Variants in EHHADH observed in about 807,000 individuals in gnomAD.
EHHADH encodes enoyl-CoA hydratase and 3-hydroxyacyl CoA dehydrogenase.
EHHADH carries 48 observed loss-of-function variants against 64.4 expected under a neutral mutation model. The ratio of observed to expected loss-of-function variants is 0.75; its 90% CI spans 0.59 to 0.95. EHHADH has a LOEUF of 0.95. EHHADH is among the 40% of genes least tolerant of loss of function. The probability of loss-of-function intolerance (pLI) is 0.00; values close to 1 mark genes in which losing one functional copy is unlikely to be tolerated. For synonymous variants in EHHADH, 308 were observed against 326.7 expected (o/e 0.94, Z 0.62); for missense variants, 854 against 876.6 (o/e 0.97, Z 0.33).
chr3:185,221,043 A>T (rs1335776569), intron 4 of EHHADH, among the ~76,000 whole-genome samples: 1 of 152,230 alleles, frequency 6.6e-6, no homozygotes, highest in African/African-American at 2.4e-5. Context: ...TGTTAAAAAT[A>T]GTGATGTTTC....
At chr3:185,200,868 C>G (rs1401090274) in intron 6 of EHHADH, among the ~76,000 whole-genome samples, 2 of 152,040 alleles carry the variant, frequency 1.3e-5, no homozygotes, top group Non-Finnish European at 2.9e-5. Flanking sequence ...CTCATGGAAA[C>G]AAGCCAAAAA....
chr3:185,251,310 A>T (rs1345420247), intron 1 of EHHADH, among the ~76,000 whole-genome samples: 1 of 152,204 alleles, frequency 6.6e-6, no homozygotes, highest in Non-Finnish European at 1.5e-5. Flanking sequence ...GAGATGAGAA[A>T]ATAGACTATA....
At chr3:185,249,361 C>T (rs1178107823) in intron 1 of EHHADH, among the ~76,000 whole-genome samples, 1 of 152,208 alleles carries the variant, frequency 6.6e-6, no homozygotes, top group Non-Finnish European at 1.5e-5. Flanking sequence ...ATCTCTTGAG[C>T]TCGTGATCCA....
rs77456812 is a variant in EHHADH, at chr3:185,252,471, T to C, written c.74+1478A>G. Reference sequence around the variant, plus strand: ...GTCAGAAAATATTCCTAGTCATGGGTATTAGAGTATGGAACTTTTCCCCCT... The same window carrying C: ...GTCAGAAAATATTCCTAGTCATGGGCATTAGAGTATGGAACTTTTCCCCCT... On this transcript the variant is annotated intron_variant, in intron 1 of 6. Coordinates refer to ENST00000231887, the MANE Select transcript of EHHADH (RefSeq NM_001966.4). Among the ~76,000 whole-genome samples, 13 of 150,588 alleles carry C rather than the reference T, an allele frequency of 8.6e-5. No individual in the cohort carries two copies. In the East Asian group the frequency reaches 2.5e-3, roughly 29 times the overall value.
At chr3:185,248,199 C>T in intron 2 of EHHADH, 3 of 514,134 alleles carry the variant, frequency 5.8e-6, no homozygotes, top group South Asian at 5.8e-5. Flanking sequence ...TAAATATACT[C>T]TAAAAGCCCA....
chr3:185,250,380 G>T (rs957818903), intron 1 of EHHADH, among the ~76,000 whole-genome samples: 1 of 152,322 alleles, frequency 6.6e-6, no homozygotes, highest in African/African-American at 2.4e-5. Flanking sequence ...TCAGCAGAGT[G>T]ATTCAGCAAG....
chr3:185,233,988 T>G (rs533023742), intron 3 of EHHADH, among the ~76,000 whole-genome samples: 1 of 152,250 alleles, frequency 6.6e-6, no homozygotes, highest in South Asian at 2.1e-4. Context: ...AAAAAGAATC[T>G]GTAAGAAAAA....
rs750250817 is a variant in EHHADH, at chr3:185,204,565, T to C, written c.761A>G (p.Glu254Gly). ...PYEVGIKKEE[E>G]LFLYLLQSGQ... Reference sequence around the variant, plus strand: ...TGATTGCAAAAGATATAGAAACAGCTCCTCCTCCTTCTTGATGCCCACTTC... The same window carrying C: ...TGATTGCAAAAGATATAGAAACAGCCCCTCCTCCTTCTTGATGCCCACTTC... The change falls in exon 6 of 7, where the codon GAG becomes GGG. Residue 254 changes from glutamate to glycine, a missense_variant. Glu to Gly is a moderately conservative substitution (Grantham distance 98, BLOSUM62 -2). Transcript: ENST00000231887. 2 of 1,614,152 alleles carry C rather than the reference T, an allele frequency of 1.2e-6. No homozygotes were observed. Among genetic ancestry groups the C allele is most frequent in the Admixed American group, 3.3e-5 (2 of 60,018 alleles).
intron 6 of EHHADH, among the ~76,000 whole-genome samples, chr3:185,197,150 T>C (rs1428723341): frequency 1.3e-5 from 2 of 152,150 alleles, no homozygotes. Flanking sequence ...AGAGTGACTG[T>C]TGATGGGTAG....
chr3:185,218,263 T>C (rs376317448), intron 4 of EHHADH, 23 bp from the exon 5 acceptor site: 3 of 1,523,872 alleles, frequency 2.0e-6, no homozygotes, highest in Admixed American at 1.7e-5. Context: ...ACAACAACAA[T>C]AACAACAAAT....
intron 6 of EHHADH, among the ~76,000 whole-genome samples, chr3:185,203,951 C>T (rs1440229073): frequency 2.0e-5 from 3 of 152,006 alleles, no homozygotes; most frequent in Non-Finnish European, 2.9e-5. Context: ...ACCAGCCTGA[C>T]CAACATGGCG....
rs115456824 is a variant in EHHADH at position 185,214,613 on chromosome 3, G to A, written c.568+3523C>T. 5.5e-3 allele frequency among the ~76,000 whole-genome samples: 834 copies of A among 152,108 alleles called. 2 individuals carry two copies. Among genetic ancestry groups the A allele is most frequent in the African/African-American group, 0.012 (488 of 41,466 alleles). On this transcript the variant is annotated intron_variant, in intron 5 of 6. Transcript: ENST00000231887. Reference sequence around the variant, plus strand: ...ACCACTACTGAAAATTTGTTACATCGCCTTATAGTTTTTTCCTTATGCAGG... The same window carrying A: ...ACCACTACTGAAAATTTGTTACATCACCTTATAGTTTTTTCCTTATGCAGG...
chr3:185,202,729 T>G (rs1051543980), intron 6 of EHHADH, among the ~76,000 whole-genome samples: 15 of 152,192 alleles, frequency 9.9e-5, no homozygotes, highest in Admixed American at 3.9e-4. Flanking sequence ...TCTGAGAATT[T>G]AATGCCTGAT....
In EHHADH at chr3:185,235,352, T is replaced by C. The variant is rs370545446; in HGVS notation, c.289A>G (p.Met97Val). The change falls in exon 3 of 7, where the codon ATG becomes GTG. Residue 97 changes from methionine to valine, a missense_variant. By Grantham distance (21) the Met-to-Val change is conservative (BLOSUM62 1). Coordinates refer to ENST00000231887, the MANE Select transcript of EHHADH (RefSeq NM_001966.4). ...EKPVVAAIQGMAFGGGLELAL... is the reference protein window; with the variant it reads ...EKPVVAAIQGVAFGGGLELAL... ...AGCTCTAGTCCCCCTCCGAAAGCCA[T>C]GCCTTGGATTGCTGCCACCACGGGC... 1.9e-6 allele frequency: 3 copies of C among 1,614,024 alleles called. No individual in the cohort carries two copies. The highest frequency in any genetic ancestry group is 2.5e-6 in the Non-Finnish European group (3 of 1,179,984).
At chr3:185,242,325 T>G (rs1360682185) in intron 2 of EHHADH, among the ~76,000 whole-genome samples, 1 of 151,938 alleles carries the variant, frequency 6.6e-6, no homozygotes, top group Non-Finnish European at 1.5e-5. Flanking sequence ...ATTCTAAAAT[T>G]CATATGGAAC....
chr3:185,229,386 A>G (rs1458516509), intron 4 of EHHADH, 46 bp downstream of exon 4: 1 of 1,243,478 alleles, frequency 8.0e-7, no homozygotes, highest in Non-Finnish European at 1.1e-6. Flanking sequence ...TCCTAGTCCA[A>G]TTCTTCACAC....
intron 4 of EHHADH, among the ~76,000 whole-genome samples, chr3:185,224,426 G>A (rs62288662): frequency 0.056 from 8,454 of 149,816 alleles, 317 homozygotes; most frequent in Admixed American, 0.083. Flanking sequence ...ACTTGAACCC[G>A]GGAGGTGGAG....
intron 5 of EHHADH, among the ~76,000 whole-genome samples, chr3:185,215,215 C>T (rs1166208657): frequency 1.3e-5 from 2 of 152,090 alleles, no homozygotes; most frequent in African/African-American, 4.8e-5. Context: ...AAAGGAAAAA[C>T]TATGTCTACA....
chr3:185,246,893 TAA>T (rs1409316322), intron 2 of EHHADH, among the ~76,000 whole-genome samples: 1 of 152,174 alleles, frequency 6.6e-6, no homozygotes, highest in Non-Finnish European at 1.5e-5. Context: ...AATTTTCTGA[TAA>T]GTTTTACTTT....
Sources: gnomAD v4.1 joint callset for allele counts (sites outside exome capture counted in the v4.1 genomes callset) on GRCh38, gnomAD v4.1.1 for gene constraint, MANE v1.5 for transcripts, NCBI Gene and HGNC (gene_info 2026-07-23, HGNC 2026-07-21) for gene names.